CAST: variants seen among roughly 807,000 people sequenced by gnomAD.
CAST encodes calpastatin, also known as MIR583 host.
Under a neutral mutation model 119.6 loss-of-function variants are expected in CAST, and 76 were observed. That is an observed-to-expected ratio of 0.64 (90% confidence interval 0.53 to 0.77). CAST has a LOEUF of 0.77. Among genes scored for constraint, CAST ranks in the 30% least tolerant of loss-of-function variants. The probability of loss-of-function intolerance (pLI) is 0.00; values close to 1 mark genes in which losing one functional copy is unlikely to be tolerated. For missense variants in CAST, 953 were observed against 946.5 expected (o/e 1.01, Z -0.09); for synonymous variants, 319 against 331.6 (o/e 0.96, Z 0.41).
chr5:96,121,705 T>C, the CAST span, among the ~76,000 whole-genome samples: 1 of 152,222 alleles, frequency 6.6e-6, no homozygotes, highest in East Asian at 1.9e-4. Context: ...AGGCAAAGAT[T>C]CCCAGGATAG....
chr5:96,755,122 C>T lies in CAST; in HGVS notation c.1710+381C>T, dbSNP rs150688910. 1,196 of 158,016 alleles carry T rather than the reference C, an allele frequency of 7.6e-3. 5 individuals carry two copies. The highest frequency in any genetic ancestry group is 0.012 in the Admixed American group (182 of 15,586). The allele number at this position is 158,016 out of a possible 1,614,324, so 9.8% of individuals were successfully genotyped here. A position where few individuals can be genotyped will look rare whatever the true frequency, so the allele number is the denominator to read the frequency against. Reference sequence around the variant, plus strand: ...TTAGAAGGCCAAGGCAGGAGCATCTCTTGAGCCCAGGAGTTCAAGACTAGC... The same window carrying T: ...TTAGAAGGCCAAGGCAGGAGCATCTTTTGAGCCCAGGAGTTCAAGACTAGC... On this transcript the variant is annotated intron_variant, in intron 22 of 31. Transcript: ENST00000675179.
chr5:96,705,114 G>C (rs1754671367), intron 3 of CAST, among the ~76,000 whole-genome samples: 1 of 152,138 alleles, frequency 6.6e-6, no homozygotes, highest in Non-Finnish European at 1.5e-5. Context: ...GAGGCCAGGA[G>C]TTTGAGACCA....
At chr5:96,291,843 C>CGTGTGTGTGTGTGTGT in the CAST span, among the ~76,000 whole-genome samples, 61 of 133,048 alleles carry the variant, frequency 4.6e-4, no homozygotes, top group African/African-American at 1.4e-3. Flanking sequence ...TCCCAGTCTG[C>CGTGTGTGTGTGTGTGT]GTGTGTGTGT....
intron 1 of CAST, among the ~76,000 whole-genome samples, chr5:96,664,669 T>TTATATATA (rs2150221388): frequency 6.6e-6 from 1 of 152,322 alleles, no homozygotes; most frequent in Non-Finnish European, 1.5e-5. Flanking sequence ...AAAATAGAAA[T>TTATATATA]TATATGCACT....
At chr5:96,408,371 G>A in the CAST span, 22 of 1,342,740 alleles carry the variant, frequency 1.6e-5, no homozygotes, top group Non-Finnish European at 2.3e-5. Flanking sequence ...CACGTGAGGA[G>A]TGTGGGCCTG....
chr5:96,595,413 A>G (rs1201098386), intron 1 of CAST, among the ~76,000 whole-genome samples: 2 of 152,222 alleles, frequency 1.3e-5, no homozygotes, highest in Admixed American at 1.3e-4. Flanking sequence ...GGAATTCGTC[A>G]CTAGGGAAGC....
chr5:96,737,776 T>C, intron 10 of CAST, 73 bp from the exon 11 acceptor site: 3 of 810,108 alleles, frequency 3.7e-6, no homozygotes, highest in Middle Eastern at 6.7e-4. Context: ...ACAGAATGGC[T>C]TTTTTTGTAG....
At chr5:96,508,452 C>T in the CAST span, among the ~76,000 whole-genome samples, 1 of 152,208 alleles carries the variant, frequency 6.6e-6, no homozygotes, top group East Asian at 1.9e-4. Context: ...TTGCAGTCAC[C>T]ATGCATGCAA....
At chr5:96,627,892 A>G (rs1172983183) in intron 1 of CAST, among the ~76,000 whole-genome samples, 1 of 152,236 alleles carries the variant, frequency 6.6e-6, no homozygotes, top group African/African-American at 2.4e-5. Flanking sequence ...TTTATTTGCC[A>G]TGCTTTCATT....
At chr5:96,398,857 G>T in the CAST span, 2 of 1,593,790 alleles carry the variant, frequency 1.3e-6, no homozygotes, top group South Asian at 1.1e-5. Context: ...AATATAAATG[G>T]CTTAGAACTT....
At chr5:96,402,977 G>T in the CAST span, among the ~76,000 whole-genome samples, 1 of 152,130 alleles carries the variant, frequency 6.6e-6, no homozygotes, top group Admixed American at 6.5e-5. Context: ...TTAGGTAAAA[G>T]CCTCTTATCA....
chr5:96,753,960 C>A, intron 20 of CAST, 100 bp from the exon 21 acceptor site: 1 of 711,776 alleles, frequency 1.4e-6, no homozygotes, highest in South Asian at 1.7e-5. Flanking sequence ...TAGCGTGTGC[C>A]TTTTATCTGA....
chr5:96,417,775 C>T, the CAST span, among the ~76,000 whole-genome samples: 5 of 152,162 alleles, frequency 3.3e-5, no homozygotes, highest in South Asian at 1.0e-3. Flanking sequence ...CTGTCCTGAC[C>T]ACACCATTCT....
chr5:96,182,466 G>T, the CAST span, among the ~76,000 whole-genome samples: 154 of 152,336 alleles, frequency 1.0e-3, no homozygotes, highest in African/African-American at 3.6e-3. Context: ...TAATTACAGT[G>T]CGAGGTGGGT....
the CAST span, among the ~76,000 whole-genome samples, chr5:96,246,493 A>G: frequency 1.3e-5 from 2 of 152,232 alleles, no homozygotes; most frequent in South Asian, 4.1e-4. Context: ...TGTTTTCTTA[A>G]CAAGCAGCTC....
chr5:96,145,430 A>G, the CAST span, among the ~76,000 whole-genome samples: 2 of 152,200 alleles, frequency 1.3e-5, no homozygotes, highest in African/African-American at 4.8e-5. Flanking sequence ...CTTAACAGTT[A>G]TGGATGTAGA....
At chr5:96,432,296 C>T in the CAST span, 7 of 634,874 alleles carry the variant, frequency 1.1e-5, 1 homozygote, top group South Asian at 1.4e-4. Context: ...TCCGCGGCCT[C>T]CCAACCTCCT....
At chr5:96,498,019 A>G in the CAST span, among the ~76,000 whole-genome samples, 2 of 152,236 alleles carry the variant, frequency 1.3e-5, no homozygotes, top group East Asian at 1.9e-4. Context: ...TCTTTAATCC[A>G]TGTTGAATTC....
At chr5:96,690,867 A>G (rs1245597314) in intron 2 of CAST, among the ~76,000 whole-genome samples, 1 of 152,228 alleles carries the variant, frequency 6.6e-6, no homozygotes, top group African/African-American at 2.4e-5. Context: ...ATTTTATAGG[A>G]CAACTACTAA....
Sources: gnomAD v4.1 joint callset for allele counts (sites outside exome capture counted in the v4.1 genomes callset) on GRCh38, gnomAD v4.1.1 for gene constraint, MANE v1.5 for transcripts, NCBI Gene and HGNC (gene_info 2026-07-23, HGNC 2026-07-21) for gene names.